RB1: variants seen among roughly 807,000 people sequenced by gnomAD.
RB1 encodes RB transcriptional corepressor 1.
Under a neutral mutation model 135.4 loss-of-function variants are expected in RB1, and 18 were observed. The observed-to-expected ratio is 0.13, with a 90% confidence interval of 0.09 to 0.20. RB1 has a LOEUF of 0.20. RB1 is among the 10% of genes least tolerant of loss of function. The pLI is 1.00. For missense variants in RB1, 868 were observed against 1,110.0 expected, an observed-to-expected ratio of 0.78 and a Z score of 3.10; for synonymous variants, 365 against 373.2, an observed-to-expected ratio of 0.98 and a Z score of 0.25.
Position 48,381,460 on chromosome 13 carries a change from T to A in RB1, c.1695+17T>A, listed in dbSNP as rs766730466. 1.2e-6 allele frequency: 2 copies of A among 1,611,256 alleles called. No homozygotes were observed. Among genetic ancestry groups the A allele is most frequent in the East Asian group, 4.5e-5 (2 of 44,642 alleles). ...TGGCTCTCAGTAAGTAGCTAAATAA[T>A]TGAAGAAATTCATTCATGTGCATAT... On this transcript the variant is annotated intron_variant, in intron 17 of 26. Transcript: ENST00000267163.
At chr13:48,342,408 T>C (rs1952453536) in intron 2 of RB1, among the ~76,000 whole-genome samples, 191 bp from the exon 3 acceptor site, 1 of 151,232 alleles carries the variant, frequency 6.6e-6, no homozygotes, top group Admixed American at 6.6e-5. Flanking sequence ...AAAATTTGAA[T>C]GTTTGTTATT....
At chr13:48,316,644 T>C (rs879413074) in intron 2 of RB1, among the ~76,000 whole-genome samples, 2 of 151,766 alleles carry the variant, frequency 1.3e-5, no homozygotes, top group African/African-American at 2.4e-5. Context: ...AAAAGCATTG[T>C]TTCATGTTGG....
At chr13:48,322,558 A>G (rs564237051) in intron 2 of RB1, among the ~76,000 whole-genome samples, 2 of 152,302 alleles carry the variant, frequency 1.3e-5, no homozygotes, top group East Asian at 1.9e-4. Context: ...AAAATCTCCA[A>G]TAGAATGTTG....
chr13:48,343,115 T>C (rs4151447), intron 3 of RB1, among the ~76,000 whole-genome samples: 15 of 152,182 alleles, frequency 9.9e-5, no homozygotes, highest in African/African-American at 3.4e-4. Context: ...TTGTTTTAAC[T>C]AGAGGATATT....
intron 7 of RB1, among the ~76,000 whole-genome samples, chr13:48,361,610 A>G (rs1347993509): frequency 4.6e-5 from 7 of 152,294 alleles, no homozygotes; most frequent in Admixed American, 1.3e-4. Flanking sequence ...TGACTCCTTA[A>G]TATTACTGAA....
At chr13:48,433,231 A>G (rs1341614818) in intron 17 of RB1, among the ~76,000 whole-genome samples, 2 of 152,142 alleles carry the variant, frequency 1.3e-5, no homozygotes, top group Non-Finnish European at 1.5e-5. Flanking sequence ...TTTTTCAAAA[A>G]GATACATATG....
chr13:48,437,426 A>G (rs1471642234), intron 17 of RB1, among the ~76,000 whole-genome samples: 1 of 152,250 alleles, frequency 6.6e-6, no homozygotes, highest in Non-Finnish European at 1.5e-5. Context: ...AACAACTAAC[A>G]TTTATTATCT....
intron 22 of RB1, 29 bp from the exon 23 acceptor site, chr13:48,465,176 A>T (rs1421007932): frequency 6.2e-7 from 1 of 1,613,602 alleles, no homozygotes; most frequent in Non-Finnish European, 8.5e-7. Context: ...ACATTAAATA[A>T]ATAATCTACT....
In RB1 at chr13:48,433,399, C is replaced by G. The variant is rs184517898; in HGVS notation, c.1696-19594C>G. On this transcript the variant is annotated intron_variant, in intron 17 of 26. Coordinates refer to ENST00000267163, the MANE Select transcript of RB1 (RefSeq NM_000321.3). ...TTAAAATTCTTATTTAAGATGTATA[C>G]TATTTGAAGAAGAGAATTGGGATTC... Among the ~76,000 whole-genome samples, 963 of 151,882 alleles carry G rather than the reference C, an allele frequency of 6.3e-3. 5 individuals are homozygous for G. The highest frequency in any genetic ancestry group is 0.022 in the African/African-American group (929 of 41,298).
chr13:48,396,883 C>T (rs1443698546), intron 17 of RB1, among the ~76,000 whole-genome samples: 1 of 152,016 alleles, frequency 6.6e-6, no homozygotes, highest in Non-Finnish European at 1.5e-5. Flanking sequence ...GGCCAACAAA[C>T]ATATGAAAAA....
At chr13:48,397,544 A>G (rs1482207477) in intron 17 of RB1, among the ~76,000 whole-genome samples, 1 of 152,210 alleles carries the variant, frequency 6.6e-6, no homozygotes, top group African/African-American at 2.4e-5. Context: ...CCTAATGTAG[A>G]TGATGGGTTG....
intron 26 of RB1, among the ~76,000 whole-genome samples, chr13:48,479,622 G>T (rs185847066): frequency 6.6e-6 from 1 of 151,912 alleles, no homozygotes; most frequent in Admixed American, 6.6e-5. Flanking sequence ...TAAAGATTTG[G>T]AGACCACTGT....
At chr13:48,308,158 C>A (rs979555879) in intron 2 of RB1, among the ~76,000 whole-genome samples, 1 of 151,438 alleles carries the variant, frequency 6.6e-6, no homozygotes, top group Non-Finnish European at 1.5e-5. Context: ...CAAATAATTA[C>A]TAGAGTTTTA....
rs541537857 is a variant in RB1 at position 48,336,132 on chromosome 13, C to A, written c.265-6467C>A. 1.3e-4 allele frequency among the ~76,000 whole-genome samples: 20 copies of A among 151,950 alleles called. 1 individual carries two copies. In the South Asian group the frequency reaches 3.9e-3, roughly 30 times the overall value. On this transcript the variant is annotated intron_variant, in intron 2 of 26. Transcript: ENST00000267163. ...TTGCATCCATGTTCATCAGGGACAT[C>A]AGTCTAAAATTCTCTTTTTTTGTTG...
chr13:48,349,679 A>G lies in RB1; in HGVS notation c.607+656A>G, dbSNP rs183208970. On this transcript the variant is annotated intron_variant, in intron 6 of 26. Transcript: ENST00000267163. ...AACAAATAACAAAATGACATGAGTA[A>G]GTCCTTACTTACCAATAATAACGTT... Among the ~76,000 whole-genome samples, 282 of 152,178 alleles carry G rather than the reference A, an allele frequency of 1.9e-3. 1 individual carries two copies. Among genetic ancestry groups the G allele is most frequent in the African/African-American group, 6.6e-3 (274 of 41,548 alleles).
chr13:48,479,343 C>T (rs1949523201), intron 26 of RB1, among the ~76,000 whole-genome samples: 1 of 152,232 alleles, frequency 6.6e-6, no homozygotes, highest in Admixed American at 6.5e-5. Flanking sequence ...TACCACCACT[C>T]ACTCTGGCAG....
intron 7 of RB1, among the ~76,000 whole-genome samples, chr13:48,362,017 A>C (rs1952646330): frequency 6.8e-6 from 1 of 146,662 alleles, no homozygotes; most frequent in Admixed American, 7.0e-5. Flanking sequence ...GCGCGATCTC[A>C]GCTCACTGCA....
intron 7 of RB1, among the ~76,000 whole-genome samples, chr13:48,362,050 C>G (rs936122003): frequency 2.6e-5 from 4 of 151,008 alleles, no homozygotes; most frequent in African/African-American, 4.9e-5. Flanking sequence ...CGGGTTCAAG[C>G]AATTCTCCTG....
chr13:48,476,847 G>GGTT lies in RB1; in HGVS notation c.2663+5_2663+6insTTG. Reference sequence around the variant, plus strand: ...GATCAGATGAAGCAGATGGAAGGTAGGAACCAGTTTTGAATGTTTTCCAGT... The same window carrying GGTT: ...GATCAGATGAAGCAGATGGAAGGTAGGTTGAACCAGTTTTGAATGTTTTCCAGT... On this transcript the variant is annotated splice_donor_region_variant and intron_variant, in intron 25 of 26. Transcript: ENST00000267163. The GGTT allele has an allele frequency of 6.2e-7, 1 of 1,613,316 alleles. No individual in the cohort carries two copies. Among genetic ancestry groups the GGTT allele is most frequent in the Non-Finnish European group, 8.5e-7 (1 of 1,179,454 alleles).
Sources: allele counts gnomAD v4.1 joint callset (sites outside exome capture counted in the v4.1 genomes callset), GRCh38; gene constraint gnomAD v4.1.1; transcripts MANE v1.5; gene names NCBI Gene and HGNC (gene_info 2026-07-23, HGNC 2026-07-21).